Variants in SLC4A8 observed in about 807,000 individuals in gnomAD.
SLC4A8 encodes electroneutral sodium bicarbonate exchanger 1.
Under a neutral mutation model 125.0 loss-of-function variants are expected in SLC4A8, and 40 were observed. The observed-to-expected ratio is 0.32, with a 90% CI of 0.25 to 0.42. The LOEUF (loss-of-function observed/expected upper bound fraction) is 0.42, where lower values mean the gene tolerates loss of function less well. SLC4A8 is among the 10% of genes least tolerant of loss of function. The pLI, the probability that SLC4A8 is intolerant of heterozygous loss-of-function variation, is 1.00. For missense variants in SLC4A8, 863 were observed against 1,355.1 expected, an observed-to-expected ratio of 0.64 and a Z score of 5.70; for synonymous variants, 456 against 476.0, an observed-to-expected ratio of 0.96 and a Z score of 0.55.
chr12:51,423,737 A>G (rs1948850164), upstream of SLC4A8, among the ~76,000 whole-genome samples: 1 of 152,112 alleles, frequency 6.6e-6, no homozygotes, highest in African/African-American at 2.4e-5. Flanking sequence ...GTGCATATAA[A>G]ACAAAAGGCC....
intron 14 of SLC4A8, among the ~76,000 whole-genome samples, chr12:51,473,794 G>A (rs1950777978): frequency 6.6e-6 from 1 of 152,194 alleles, no homozygotes; most frequent in Admixed American, 6.5e-5. Flanking sequence ...GAGCGGCCAG[G>A]GAATGGCCAA....
intron 1 of SLC4A8, among the ~76,000 whole-genome samples, chr12:51,432,708 C>T (rs964952764): frequency 1.3e-5 from 2 of 151,954 alleles, no homozygotes; most frequent in Admixed American, 1.3e-4. Context: ...GGTGACAGAG[C>T]GAGACTCTGT....
In SLC4A8 at chr12:51,401,587, T is replaced by TGGACACCTCGATGTCCAG. The variant is rs554543931; in HGVS notation, c.-112+10099_-112+10100insGGACACCTCGATGTCCAG. 1.1e-4 allele frequency among the ~76,000 whole-genome samples: 16 copies of TGGACACCTCGATGTCCAG among 152,328 alleles called. No individual in the cohort carries two copies. The East Asian group carries it at 3.1e-3, about 29-fold the overall frequency. ...CGATGTCCAGCTGCCTGTGCGTTCC[T>TGGACACCTCGATGTCCAG]CTACTGATCTGTTCCTCTTGACGTC... On this transcript the variant is annotated intron_variant, in intron 1 of 24. Coordinates refer to the SLC4A8 transcript ENST00000358657.
rs146421946 is a variant in SLC4A8, at chr12:51,501,517, T to G, written c.3082-2512T>G. ...CTCTTTGTGGCTGCGTAGTATTCCA[T>G]GGTGTATACATACTACAGTTTCTTT... On this transcript the variant is annotated intron_variant, in intron 22 of 24. Transcript: ENST00000453097. 6.5e-4 allele frequency among the ~76,000 whole-genome samples: 99 copies of G among 152,378 alleles called. 2 individuals are homozygous for G. The East Asian group carries it at 0.018, about 28-fold the overall frequency.
At chr12:51,410,845 G>A (rs888182450) in intron 1 of SLC4A8, among the ~76,000 whole-genome samples, 2 of 149,422 alleles carry the variant, frequency 1.3e-5, no homozygotes, top group African/African-American at 4.9e-5. Flanking sequence ...CTATCTCTTC[G>A]AACAATCTTT....
At chr12:51,428,653 A>G (rs551925472) in intron 1 of SLC4A8, among the ~76,000 whole-genome samples, 58 of 152,280 alleles carry the variant, frequency 3.8e-4, no homozygotes, top group Admixed American at 3.5e-3. Flanking sequence ...CACAACACCT[A>G]CCAAGTACTA....
chr12:51,463,539 A>G (rs879479029), intron 10 of SLC4A8, 75 bp from the exon 11 acceptor site: 1 of 1,155,856 alleles, frequency 8.7e-7, no homozygotes, highest in Non-Finnish European at 1.3e-6. Context: ...GGGTTATCCC[A>G]TTCCCACTCC....
At chr12:51,450,726 C>T in intron 2 of SLC4A8, 150 bp from the exon 3 acceptor site, 1 of 787,952 alleles carries the variant, frequency 1.3e-6, no homozygotes. Flanking sequence ...TATCTTTACT[C>T]CTGGAAGTCT....
intron 16 of SLC4A8, among the ~76,000 whole-genome samples, chr12:51,477,677 A>G (rs1268785336): frequency 6.6e-6 from 1 of 152,122 alleles, no homozygotes; most frequent in Non-Finnish European, 1.5e-5. Flanking sequence ...AAGTTCCCCA[A>G]ATTAGTATTT....
intron 1 of SLC4A8, among the ~76,000 whole-genome samples, chr12:51,414,969 C>T (rs978070446): frequency 6.6e-6 from 1 of 152,144 alleles, no homozygotes; most frequent in African/African-American, 2.4e-5. Flanking sequence ...TATTGATTTG[C>T]ATATGTTCAG....
chr12:51,488,616 T>G, intron 17 of SLC4A8, 83 bp from the exon 18 acceptor site: 1 of 987,698 alleles, frequency 1.0e-6, no homozygotes, highest in Non-Finnish European at 1.4e-6. Flanking sequence ...TAAAAAGAAA[T>G]ATGGATATTG....
chr12:51,409,518 A>G (rs375189334), intron 1 of SLC4A8, among the ~76,000 whole-genome samples: 2 of 152,202 alleles, frequency 1.3e-5, no homozygotes, highest in East Asian at 3.9e-4. Context: ...TAGGTTTACA[A>G]TAATATAATT....
intron 16 of SLC4A8, among the ~76,000 whole-genome samples, chr12:51,483,440 A>G (rs183216644): frequency 1.9e-4 from 28 of 149,964 alleles, no homozygotes; most frequent in Admixed American, 1.5e-3. Flanking sequence ...GGTTTCAGCC[A>G]GACACATTTT....
chr12:51,437,390 G>C (rs529950287), intron 1 of SLC4A8, among the ~76,000 whole-genome samples: 1 of 152,226 alleles, frequency 6.6e-6, no homozygotes, highest in Non-Finnish European at 1.5e-5. Flanking sequence ...GGTCTGGTGG[G>C]AGATGTTTGG....
chr12:51,420,687 G>A (rs1167248704), upstream of SLC4A8, among the ~76,000 whole-genome samples: 3 of 152,170 alleles, frequency 2.0e-5, no homozygotes, highest in Non-Finnish European at 4.4e-5. Context: ...GAAAGAATAG[G>A]TCTAAAACAA....
chr12:51,457,371 G>A lies in SLC4A8; in HGVS notation c.595G>A (p.Glu199Lys). ...TCCAGACCTGATCCTGGATCAGCAA[G>A]AACTGTCCAGTGACCTGAATGACAG... ...EISDLILDQQELSSDLNDSMR... is the reference protein window; with the variant it reads ...EISDLILDQQKLSSDLNDSMR... The change falls in exon 6 of 25, where the codon GAA (glutamate) becomes AAA (lysine). Residue 199 changes from glutamate to lysine, a missense_variant. Glu to Lys is a moderately conservative substitution (Grantham distance 56). Around this residue, in one of 6 missense-constraint regions of SLC4A8, gnomAD observed 390 missense variants for 634.4 expected, o/e 0.61. Transcript: ENST00000453097. The A allele has an allele frequency of 1.2e-6, 2 of 1,613,790 alleles. No homozygotes were observed. Among genetic ancestry groups the A allele is most frequent in the Non-Finnish European group, 1.7e-6 (2 of 1,179,800 alleles).
chr12:51,489,116 C>T (rs1951235688), intron 18 of SLC4A8, among the ~76,000 whole-genome samples: 1 of 152,176 alleles, frequency 6.6e-6, no homozygotes, highest in Admixed American at 6.5e-5. Flanking sequence ...CCTGGTGATC[C>T]CTATATAGCT....
chr12:51,427,495 A>G (rs921207278), intron 1 of SLC4A8, among the ~76,000 whole-genome samples: 9 of 152,156 alleles, frequency 5.9e-5, no homozygotes, highest in Non-Finnish European at 5.9e-5. Flanking sequence ...AAGGAATACA[A>G]TGGGAACAGT....
intron 21 of SLC4A8, among the ~76,000 whole-genome samples, chr12:51,496,292 A>G (rs1951457245): frequency 6.6e-6 from 1 of 152,250 alleles, no homozygotes; most frequent in Non-Finnish European, 1.5e-5. Context: ...GCTGATGAAC[A>G]GCAGTCCACC....
Sources: allele counts gnomAD v4.1 joint callset (sites outside exome capture counted in the v4.1 genomes callset), GRCh38; gene constraint gnomAD v4.1.1; regional missense constraint gnomAD v4.1.1; transcripts MANE v1.5; gene names NCBI Gene and HGNC (gene_info 2026-07-23, HGNC 2026-07-21).